Variants in TRDN observed in about 807,000 individuals in gnomAD.
The protein encoded by TRDN is triadin.
A neutral mutation model predicts 149.7 loss-of-function variants in TRDN; 161 were observed. That is an observed-to-expected ratio of 1.08 (90% confidence interval 0.95 to 1.23). The LOEUF is 1.23. TRDN is among the 50% of genes most tolerant of loss of function. The pLI is 0.00. For missense variants in TRDN, 896 were observed against 823.5 expected (o/e 1.09, Z -1.08); for synonymous variants, 294 against 250.5 (o/e 1.17, Z -1.64).
At chr6:123,535,458 T>A (rs933083216) in intron 4 of TRDN, among the ~76,000 whole-genome samples, 1 of 152,162 alleles carries the variant, frequency 6.6e-6, no homozygotes, top group Non-Finnish European at 1.5e-5. Context: ...GAGGAAAAAG[T>A]AGTATCTCCT....
At chr6:123,463,330 T>C (rs1475358097) in intron 10 of TRDN, among the ~76,000 whole-genome samples, 4 of 148,102 alleles carry the variant, frequency 2.7e-5, no homozygotes, top group African/African-American at 1.0e-4. Context: ...AGAGCAAGAC[T>C]CCGTCTCAAG....
intron 7 of TRDN, among the ~76,000 whole-genome samples, chr6:123,509,167 T>C (rs1175660064): frequency 3.9e-5 from 6 of 151,942 alleles, no homozygotes; most frequent in Admixed American, 3.9e-4. Flanking sequence ...TATATATGTA[T>C]GTTTGTGTGT....
rs565693710 is a variant in TRDN, at chr6:123,415,343, A to G, written c.1052-21666T>C. Among the ~76,000 whole-genome samples the G allele has an allele frequency of 1.6e-4, 24 of 152,358 alleles. No homozygotes were observed. The South Asian group carries it at 4.8e-3, about 30-fold the overall frequency. On this transcript the variant is annotated intron_variant, in intron 12 of 40. Transcript: ENST00000334268. Reference sequence around the variant, plus strand: ...ATTGGATACTTGTAATATTCCAAGTACTGGGCTAGACAGCTTACCTAGATT... The same window carrying G: ...ATTGGATACTTGTAATATTCCAAGTGCTGGGCTAGACAGCTTACCTAGATT...
chr6:123,234,706 C>T (rs1775724071), intron 38 of TRDN, among the ~76,000 whole-genome samples: 1 of 152,086 alleles, frequency 6.6e-6, no homozygotes, highest in Non-Finnish European at 1.5e-5. Context: ...TGCTCATTCA[C>T]AGCAACAAAA....
chr6:123,616,072 T>C (rs1307402216), intron 1 of TRDN, among the ~76,000 whole-genome samples: 1 of 152,064 alleles, frequency 6.6e-6, no homozygotes, highest in Admixed American at 6.6e-5. Flanking sequence ...AAAATTAGGC[T>C]GGGGGCAGTG....
At chr6:123,438,772 T>G (rs1774724113) in intron 11 of TRDN, among the ~76,000 whole-genome samples, 172 bp downstream of exon 11, 1 of 152,152 alleles carries the variant, frequency 6.6e-6, no homozygotes. Flanking sequence ...TTTTTAAAAA[T>G]TGACAATTTT....
intron 9 of TRDN, among the ~76,000 whole-genome samples, chr6:123,491,845 T>G (rs1457196888): frequency 6.6e-6 from 1 of 152,166 alleles, no homozygotes; most frequent in Non-Finnish European, 1.5e-5. Flanking sequence ...GAGCAGGATT[T>G]TTTTCAGAAG....
chr6:123,346,073 G>A (rs1042444776), intron 21 of TRDN, among the ~76,000 whole-genome samples: 2 of 151,970 alleles, frequency 1.3e-5, no homozygotes, highest in African/African-American at 4.8e-5. Context: ...GTTGATGAAG[G>A]GGCGTGAAAG....
At chr6:123,602,662 T>TC (rs1378871777) in intron 1 of TRDN, among the ~76,000 whole-genome samples, 2 of 152,090 alleles carry the variant, frequency 1.3e-5, no homozygotes, top group Non-Finnish European at 2.9e-5. Context: ...TCAATGTATT[T>TC]CCTTCCATGT....
intron 24 of TRDN, among the ~76,000 whole-genome samples, chr6:123,292,548 G>C (rs1283439103): frequency 6.6e-6 from 1 of 152,138 alleles, no homozygotes; most frequent in Admixed American, 6.5e-5. Context: ...CTTCTTCAGA[G>C]AGGAAAAATA....
At chr6:123,382,275 C>A in intron 14 of TRDN, 128 bp from the exon 15 acceptor site, 1 of 582,496 alleles carries the variant, frequency 1.7e-6, no homozygotes, top group East Asian at 3.6e-5. Context: ...TTGTATATTT[C>A]TAGAATATGA....
chr6:123,430,462 G>T (rs895148425), intron 12 of TRDN, among the ~76,000 whole-genome samples: 1 of 151,730 alleles, frequency 6.6e-6, no homozygotes, highest in Non-Finnish European at 1.5e-5. Context: ...TGTGCCTGTA[G>T]TCCCAGCTAC....
In TRDN at chr6:123,547,729, C is replaced by T. The variant is rs368656394; in HGVS notation, c.392-357G>A. ...TATAAAAATACTCTAATAATAAAAG[C>T]TTTCCTGGTAGTCAAGGCTGAATAC... On this transcript the variant is annotated intron_variant, in intron 3 of 40. Coordinates refer to ENST00000334268, the MANE Select transcript of TRDN (RefSeq NM_006073.4). 2.2e-4 allele frequency among the ~76,000 whole-genome samples: 34 copies of T among 152,034 alleles called. No individual in the cohort carries two copies. In the East Asian group the frequency reaches 5.8e-3, roughly 26 times the overall value.
intron 1 of TRDN, among the ~76,000 whole-genome samples, chr6:123,622,194 T>C (rs1310945775): frequency 1.3e-5 from 2 of 152,074 alleles, no homozygotes; most frequent in African/African-American, 2.4e-5. Context: ...GTCTTTATGA[T>C]GATCCAGTTC....
intron 1 of TRDN, among the ~76,000 whole-genome samples, chr6:123,614,790 A>G (rs1037295787): frequency 6.6e-6 from 1 of 152,120 alleles, no homozygotes; most frequent in Non-Finnish European, 1.5e-5. Context: ...AAGCAAAAAT[A>G]GACAAATGGG....
chr6:123,406,861 C>A (rs1243806065), intron 12 of TRDN, among the ~76,000 whole-genome samples: 3 of 152,066 alleles, frequency 2.0e-5, no homozygotes, highest in African/African-American at 7.2e-5. Flanking sequence ...CAAAAATTGT[C>A]GTCTTTATCT....
chr6:123,229,300 A>G (rs1031628229), intron 38 of TRDN, among the ~76,000 whole-genome samples: 1 of 151,970 alleles, frequency 6.6e-6, no homozygotes, highest in Non-Finnish European at 1.5e-5. Flanking sequence ...GTTCTTAAAT[A>G]GCTATCAGTT....
chr6:123,575,614 A>C (rs1782814954), intron 1 of TRDN, among the ~76,000 whole-genome samples: 1 of 152,080 alleles, frequency 6.6e-6, no homozygotes, highest in Non-Finnish European at 1.5e-5. Flanking sequence ...ATTCATTTTG[A>C]TTTCATACAA....
chr6:123,433,378 C>T (rs1031188469), intron 12 of TRDN, among the ~76,000 whole-genome samples: 1 of 151,810 alleles, frequency 6.6e-6, no homozygotes, highest in African/African-American at 2.4e-5. Flanking sequence ...AACTTGTGGA[C>T]ATTTTGTCTT....
Sources: allele counts gnomAD v4.1 joint callset (sites outside exome capture counted in the v4.1 genomes callset), GRCh38; gene constraint gnomAD v4.1.1; transcripts MANE v1.5; gene names NCBI Gene and HGNC (gene_info 2026-07-23, HGNC 2026-07-21).